Variants in CTNNA2 observed in about 807,000 individuals in gnomAD.
The protein encoded by CTNNA2 is catenin alpha 2.
In CTNNA2, 42 loss-of-function variants were observed where a neutral mutation model predicts 101.0. That is an observed-to-expected ratio of 0.42 (90% confidence interval 0.32 to 0.54). The LOEUF (loss-of-function observed/expected upper bound fraction) is 0.54. Among genes scored for constraint, CTNNA2 ranks in the 20% least tolerant of loss-of-function variants. CTNNA2 has a pLI of 0.14. For synonymous variants in CTNNA2, 450 were observed against 456.4 expected (o/e 0.99, Z 0.18); for missense variants, 871 against 1,223.1 (o/e 0.71, Z 4.29).
intron 2 of CTNNA2, among the ~76,000 whole-genome samples, chr2:79,721,210 A>G (rs147483215): frequency 1.2e-3 from 187 of 152,246 alleles, no homozygotes; most frequent in African/African-American, 4.1e-3. Context: ...TGTTGCTATA[A>G]CAGAGTATCA....
At chr2:80,102,387 T>C (rs2148844593) in intron 7 of CTNNA2, among the ~76,000 whole-genome samples, 1 of 152,354 alleles carries the variant, frequency 6.6e-6, no homozygotes, top group South Asian at 2.1e-4. Flanking sequence ...CAGGACAATC[T>C]GGCCAATGCT....
chr2:80,227,966 C>T (rs921202312), intron 7 of CTNNA2, among the ~76,000 whole-genome samples: 2 of 144,408 alleles, frequency 1.4e-5, no homozygotes, highest in Non-Finnish European at 2.9e-5. Flanking sequence ...GCCCAGGCAG[C>T]ATTTTTTTTT....
At chr2:80,323,846 C>G (rs1486934340) in intron 7 of CTNNA2, among the ~76,000 whole-genome samples, 1 of 152,090 alleles carries the variant, frequency 6.6e-6, no homozygotes, top group Admixed American at 6.5e-5. Context: ...GATATTCCAC[C>G]CTAACTCTTT....
intron 17 of CTNNA2, among the ~76,000 whole-genome samples, chr2:80,609,848 T>C (rs1698316155): frequency 6.6e-6 from 1 of 151,770 alleles, no homozygotes; most frequent in African/African-American, 2.4e-5. Flanking sequence ...AGAGCCGCTC[T>C]CCATCATCCT....
At chr2:79,294,214 G>GAA (rs1558610607) in intron 2 of CTNNA2, among the ~76,000 whole-genome samples, 1 of 147,450 alleles carries the variant, frequency 6.8e-6, no homozygotes, top group Non-Finnish European at 1.5e-5. Context: ...AAGAAGAAGA[G>GAA]GAAGAAGAAG....
chr2:80,025,162 G>C (rs1466439440), intron 7 of CTNNA2, among the ~76,000 whole-genome samples: 1 of 152,138 alleles, frequency 6.6e-6, no homozygotes, highest in Non-Finnish European at 1.5e-5. Context: ...TGGAGCTTGG[G>C]GTTTTTATGG....
At chr2:79,549,316 G>A (rs998704460) in intron 1 of CTNNA2, among the ~76,000 whole-genome samples, 6 of 152,124 alleles carry the variant, frequency 3.9e-5, no homozygotes, top group African/African-American at 9.7e-5. Context: ...CACATGGGTC[G>A]GGGCAGTATT....
At chr2:79,811,054 G>T (rs12615665) in intron 3 of CTNNA2, among the ~76,000 whole-genome samples, 13,073 of 150,656 alleles carry the variant, frequency 0.087, 900 homozygotes, top group East Asian at 0.35. Context: ...GTAATGGGAT[G>T]GCTGGGTCAA....
chr2:79,864,738 C>T (rs1275758853), intron 4 of CTNNA2, among the ~76,000 whole-genome samples: 1 of 152,118 alleles, frequency 6.6e-6, no homozygotes, highest in Non-Finnish European at 1.5e-5. Context: ...CTCACCCTTT[C>T]TGAAAAATCA....
chr2:79,407,742 C>T (rs1445290872), intron 4 of CTNNA2, among the ~76,000 whole-genome samples: 1 of 151,920 alleles, frequency 6.6e-6, no homozygotes, highest in African/African-American at 2.4e-5. Context: ...AGACAGCTTT[C>T]CACGGAGAAA....
At chr2:79,209,133 T>C (rs1186069248) in intron 2 of CTNNA2, among the ~76,000 whole-genome samples, 1 of 152,128 alleles carries the variant, frequency 6.6e-6, no homozygotes, top group East Asian at 1.9e-4. Context: ...CTGGGCAACA[T>C]AGCTAAACCC....
chr2:79,674,196 C>A (rs1002131442), intron 2 of CTNNA2, among the ~76,000 whole-genome samples: 7 of 152,240 alleles, frequency 4.6e-5, no homozygotes, highest in African/African-American at 1.4e-4. Flanking sequence ...AATATGAGCC[C>A]TAGACTTCCA....
chr2:80,036,685 G>T (rs977385614), intron 7 of CTNNA2, among the ~76,000 whole-genome samples: 1 of 152,164 alleles, frequency 6.6e-6, no homozygotes, highest in Non-Finnish European at 1.5e-5. Flanking sequence ...TATGTTGACA[G>T]CAGGGAGCTT....
intron 4 of CTNNA2, among the ~76,000 whole-genome samples, chr2:79,410,682 A>T (rs13022138): frequency 0.31 from 44,101 of 143,112 alleles, 6,745 homozygotes; most frequent in South Asian, 0.4. Flanking sequence ...CTTTTTGATG[A>T]GCTGCTGGAT....
chr2:79,551,362 G>A (rs1025923742), intron 1 of CTNNA2, among the ~76,000 whole-genome samples: 1 of 152,146 alleles, frequency 6.6e-6, no homozygotes, highest in Admixed American at 6.5e-5. Flanking sequence ...TCTTTTTAAG[G>A]TTTTGATTAA....
intron 1 of CTNNA2, among the ~76,000 whole-genome samples, chr2:79,576,764 T>G (rs2103866781): frequency 6.6e-6 from 1 of 152,264 alleles, no homozygotes; most frequent in East Asian, 1.9e-4. Context: ...AAATAAAAAG[T>G]CTTATGCATT....
At chr2:79,280,623 CTGTGTGTGTG>C (rs369268407) in intron 2 of CTNNA2, among the ~76,000 whole-genome samples, 3 of 129,092 alleles carry the variant, frequency 2.3e-5, no homozygotes, top group East Asian at 2.4e-4. Flanking sequence ...ATCCTGTATG[CTGTGTGTGTG>C]TGTGTGTGTG....
chr2:80,441,011 G>T (rs886955598), intron 9 of CTNNA2, among the ~76,000 whole-genome samples: 7 of 152,204 alleles, frequency 4.6e-5, no homozygotes, highest in Non-Finnish European at 8.8e-5. Flanking sequence ...AGTATTTGTG[G>T]CTGAGGCAAA....
chr2:79,818,361 G>A (rs1247038288), intron 3 of CTNNA2, among the ~76,000 whole-genome samples: 1 of 152,066 alleles, frequency 6.6e-6, no homozygotes, highest in Non-Finnish European at 1.5e-5. Flanking sequence ...TACCCAGGCT[G>A]CAGTGCAGTG....
Sources: allele counts gnomAD v4.1 joint callset (sites outside exome capture counted in the v4.1 genomes callset), GRCh38; gene constraint gnomAD v4.1.1; transcripts MANE v1.5; gene names NCBI Gene and HGNC (gene_info 2026-07-23, HGNC 2026-07-21).